The following RPS6KA5 variants were observed in gnomAD, a reference collection of about 807,000 sequenced individuals.
The protein encoded by RPS6KA5 is ribosomal protein S6 kinase alpha-5.
Under a neutral mutation model 85.5 loss-of-function variants are expected in RPS6KA5, and 27 were observed. That is an observed-to-expected ratio of 0.32 (90% CI 0.23 to 0.44). The LOEUF (loss-of-function observed/expected upper bound fraction) is 0.44, where lower values mean the gene tolerates loss of function less well. Among genes scored for constraint, RPS6KA5 ranks in the 20% least tolerant of loss-of-function variants. The probability of loss-of-function intolerance (pLI) is 1.00; values close to 1 mark genes in which losing one functional copy is unlikely to be tolerated. For synonymous variants in RPS6KA5, 334 were observed against 348.2 expected, an observed-to-expected ratio of 0.96 and a Z score of 0.46; for missense variants, 811 against 980.9, an observed-to-expected ratio of 0.83 and a Z score of 2.31.
chr14:91,019,824 G>A (rs926010363), intron 1 of RPS6KA5, among the ~76,000 whole-genome samples: 1 of 152,164 alleles, frequency 6.6e-6, no homozygotes, highest in Non-Finnish European at 1.5e-5. Context: ...AGTAGCATCT[G>A]TACATACAGT....
At chr14:90,914,290 TG>T (rs2035988190) in intron 7 of RPS6KA5, among the ~76,000 whole-genome samples, 1 of 145,768 alleles carries the variant, frequency 6.9e-6, no homozygotes, top group Non-Finnish European at 1.5e-5. Context: ...TTTCCACAGT[TG>T]GAAGAATGAT....
At chr14:90,903,926 G>A (rs2035334397) in intron 8 of RPS6KA5, among the ~76,000 whole-genome samples, 1 of 151,412 alleles carries the variant, frequency 6.6e-6, no homozygotes, top group East Asian at 1.9e-4. Flanking sequence ...ATAAAATTTA[G>A]TAAGTTTAAT....
intron 1 of RPS6KA5, among the ~76,000 whole-genome samples, chr14:91,031,020 T>G (rs1177795309): frequency 1.3e-5 from 2 of 152,116 alleles, no homozygotes; most frequent in African/African-American, 4.8e-5. Flanking sequence ...TAAAGGAGTT[T>G]TAATGGGCAT....
intron 2 of RPS6KA5, among the ~76,000 whole-genome samples, chr14:90,990,530 A>G (rs535902087): frequency 3.8e-4 from 58 of 152,364 alleles, no homozygotes; most frequent in African/African-American, 1.4e-3. Context: ...TACTGGGTAT[A>G]TACACAAAGG....
chr14:90,901,268 C>T (rs1343594914), intron 9 of RPS6KA5, among the ~76,000 whole-genome samples: 1 of 152,076 alleles, frequency 6.6e-6, no homozygotes, highest in Non-Finnish European at 1.5e-5. Context: ...CCATGCCTGA[C>T]GGGGTTTCAC....
At chr14:91,052,868 T>G (rs1420690878) in intron 1 of RPS6KA5, among the ~76,000 whole-genome samples, 1 of 147,444 alleles carries the variant, frequency 6.8e-6, no homozygotes, top group Non-Finnish European at 1.5e-5. Context: ...CTTTAGTTGG[T>G]GACAGAACTC....
chr14:91,027,353 T>C (rs956195131), intron 1 of RPS6KA5, among the ~76,000 whole-genome samples: 13 of 152,346 alleles, frequency 8.5e-5, no homozygotes, highest in African/African-American at 3.1e-4. Context: ...GCACCATTTC[T>C]TGAATAGGAA....
chr14:91,007,599 AT>A, intron 1 of RPS6KA5, among the ~76,000 whole-genome samples: 1 of 152,012 alleles, frequency 6.6e-6, no homozygotes, highest in East Asian at 1.9e-4. Flanking sequence ...AATTTTAACC[AT>A]TTTTTCCATG....
In RPS6KA5 at chr14:90,862,515, G is replaced by A. The variant is rs183395303; in HGVS notation, c.*9559C>T. On this transcript the variant is annotated 3_prime_UTR_variant, in exon 17 of 17. Coordinates refer to ENST00000614987, the MANE Select transcript of RPS6KA5 (RefSeq NM_004755.4). ...TAGGCTCCTGCTCTGTTGCCCAGGTGGGAGTACAGTGGTACAATCTTGGTT... is the reference window on the plus strand; with the variant it reads ...TAGGCTCCTGCTCTGTTGCCCAGGTAGGAGTACAGTGGTACAATCTTGGTT... 6.6e-6 allele frequency: 1 copy of A among 151,802 alleles called. No homozygotes were observed. Among genetic ancestry groups the A allele is most frequent in the East Asian group, 1.9e-4 (1 of 5,148 alleles). 9.4% of individuals were successfully genotyped at this position (151,802 alleles called of 1,614,324 possible). A position where few individuals can be genotyped will look rare whatever the true frequency, so the allele number is the denominator to read the frequency against.
At chr14:90,970,487 G>A (rs1044580015) in intron 3 of RPS6KA5, among the ~76,000 whole-genome samples, 1 of 152,232 alleles carries the variant, frequency 6.6e-6, no homozygotes, top group Admixed American at 6.5e-5. Flanking sequence ...TTCATTATTG[G>A]GAATGATCCT....
chr14:91,025,640 A>G (rs2041962312), intron 1 of RPS6KA5, among the ~76,000 whole-genome samples: 1 of 152,042 alleles, frequency 6.6e-6, no homozygotes, highest in South Asian at 2.1e-4. Context: ...TCACTGTTAA[A>G]GTATCATTTC....
intron 14 of RPS6KA5, among the ~76,000 whole-genome samples, chr14:90,885,175 C>A (rs1001000749): frequency 5.9e-5 from 9 of 151,382 alleles, no homozygotes; most frequent in Non-Finnish European, 7.4e-5. Context: ...ATCACCTCAG[C>A]CTGGGAGGTC....
chr14:90,918,424 C>T (rs2036234198), intron 7 of RPS6KA5, among the ~76,000 whole-genome samples: 1 of 152,142 alleles, frequency 6.6e-6, no homozygotes, highest in African/African-American at 2.4e-5. Context: ...ATTCTGGATA[C>T]CAGTCCTTCA....
chr14:90,947,066 G>A (rs1023991450), intron 4 of RPS6KA5, among the ~76,000 whole-genome samples: 12 of 152,210 alleles, frequency 7.9e-5, no homozygotes, highest in African/African-American at 2.9e-4. Flanking sequence ...TGTACAGGCA[G>A]AGTCTGCAAT....
At chr14:90,880,607 T>C (rs981694707) in intron 14 of RPS6KA5, among the ~76,000 whole-genome samples, 1 of 152,198 alleles carries the variant, frequency 6.6e-6, no homozygotes, top group African/African-American at 2.4e-5. Flanking sequence ...TTCCTTCTTA[T>C]CTTCTGGCCG....
chr14:91,055,040 A>G (rs1364444157), intron 1 of RPS6KA5, among the ~76,000 whole-genome samples: 2 of 152,216 alleles, frequency 1.3e-5, no homozygotes, highest in Non-Finnish European at 2.9e-5. Context: ...CAATAAGCAC[A>G]TGAAAAGATG....
chr14:90,976,134 C>T (rs2039555283), intron 3 of RPS6KA5, among the ~76,000 whole-genome samples: 1 of 136,616 alleles, frequency 7.3e-6, no homozygotes, highest in Non-Finnish European at 1.5e-5. Flanking sequence ...CTAAATTTAA[C>T]ATGTTTTATA....
At chr14:91,014,493 C>A (rs563476088) in intron 1 of RPS6KA5, among the ~76,000 whole-genome samples, 92 of 146,366 alleles carry the variant, frequency 6.3e-4, no homozygotes, top group African/African-American at 2.2e-3. Context: ...TTGAGATAGA[C>A]TCCATCTCAA....
chr14:91,029,992 T>C (rs185319859), intron 1 of RPS6KA5, among the ~76,000 whole-genome samples: 10 of 151,970 alleles, frequency 6.6e-5, no homozygotes, highest in Admixed American at 3.3e-4. Flanking sequence ...TGGAAAACAT[T>C]TGAAAGAAAG....
Sources: gnomAD v4.1 joint callset for allele counts (sites outside exome capture counted in the v4.1 genomes callset) on GRCh38, gnomAD v4.1.1 for gene constraint, MANE v1.5 for transcripts, NCBI Gene and HGNC (gene_info 2026-07-23, HGNC 2026-07-21) for gene names.